Variants in UNC79 observed in about 807,000 individuals in gnomAD.
UNC79 encodes protein unc-79 homolog.
Under a neutral mutation model 283.1 loss-of-function variants are expected in UNC79, and 37 were observed. That is an observed-to-expected ratio of 0.13 (90% CI 0.10 to 0.17). The LOEUF is 0.17. Ranked by LOEUF, UNC79 falls within the 10% of genes least tolerant of loss-of-function variation. The pLI, the probability that UNC79 is intolerant of heterozygous loss-of-function variation, is 1.00. For missense variants in UNC79, 2,272 were observed against 3,211.1 expected, an observed-to-expected ratio of 0.71 and a Z score of 7.07; for synonymous variants, 1,107 against 1,200.2, an observed-to-expected ratio of 0.92 and a Z score of 1.61.
intron 14 of UNC79, among the ~76,000 whole-genome samples, chr14:93,564,197 G>C (rs545394777): frequency 6.6e-6 from 1 of 152,312 alleles, no homozygotes; most frequent in East Asian, 1.9e-4. Context: ...CTCTAAAGCT[G>C]TCTTCAAGCA....
At chr14:93,642,750 TA>T (rs2069183658) in intron 33 of UNC79, among the ~76,000 whole-genome samples, 1 of 152,256 alleles carries the variant, frequency 6.6e-6, no homozygotes, top group Non-Finnish European at 1.5e-5. Context: ...AAGAAATTTT[TA>T]TGCTCTTTCT....
intron 40 of UNC79, among the ~76,000 whole-genome samples, chr14:93,668,646 A>G (rs1268421466): frequency 6.6e-6 from 1 of 151,986 alleles, no homozygotes; most frequent in Non-Finnish European, 1.5e-5. Flanking sequence ...GAAGTTTGAG[A>G]CCAGCCTGGG....
chr14:93,386,738 A>G (rs925215939), intron 1 of UNC79, among the ~76,000 whole-genome samples: 3 of 151,976 alleles, frequency 2.0e-5, no homozygotes, highest in Non-Finnish European at 4.4e-5. Context: ...CAGATTTTCC[A>G]ATTTAATTCC....
At position 93,365,708 on chromosome 14, in the gene UNC79, A is replaced by G. The variant is rs145926959; in HGVS notation, c.-351+32185A>G. ...CCAGAGTAAGCTGTGAAAGTCTTTA[A>G]GAGCATAGAGAAAAGACGAAGGAAT... is the stretch of plus-strand genomic sequence containing the variant. On this transcript the variant is annotated intron_variant, in intron 1 of 49. Coordinates refer to the UNC79 transcript ENST00000256339. Among the ~76,000 whole-genome samples the G allele has an allele frequency of 2.0e-3, 306 of 152,306 alleles. 5 individuals are homozygous for G. In the East Asian group the frequency reaches 0.022, roughly 11 times the overall value.
At chr14:93,505,728 C>CT (rs1469312515) in intron 7 of UNC79, among the ~76,000 whole-genome samples, 1 of 149,076 alleles carries the variant, frequency 6.7e-6, no homozygotes, top group East Asian at 2.2e-4. Flanking sequence ...TTTTCTCTCT[C>CT]TCTTTTTTTT....
intron 41 of UNC79, among the ~76,000 whole-genome samples, chr14:93,674,924 G>C (rs2073201543): frequency 6.6e-6 from 1 of 152,176 alleles, no homozygotes. Context: ...ACACAGCCTT[G>C]ACAGGCCCTT....
intron 7 of UNC79, among the ~76,000 whole-genome samples, chr14:93,517,929 G>GTT (rs2060147245): frequency 6.6e-6 from 1 of 151,594 alleles, no homozygotes; most frequent in Admixed American, 6.6e-5. Context: ...CTGTGTGTGT[G>GTT]TGTGTGTGTG....
intron 48 of UNC79, 136 bp downstream of exon 51, chr14:93,704,802 G>A (rs2075760398): frequency 2.7e-6 from 3 of 1,118,296 alleles, no homozygotes; most frequent in East Asian, 4.8e-5. Flanking sequence ...GGCTGATAAT[G>A]CAGGAGACCT....
At chr14:93,534,767 T>TA (rs1457808827) in intron 11 of UNC79, among the ~76,000 whole-genome samples, 5 of 152,230 alleles carry the variant, frequency 3.3e-5, no homozygotes, top group African/African-American at 1.2e-4. Context: ...TCTGGGGACA[T>TA]ACGTAACATA....
intron 31 of UNC79, among the ~76,000 whole-genome samples, chr14:93,636,172 T>C (rs953303023): frequency 6.6e-6 from 1 of 152,254 alleles, no homozygotes; most frequent in African/African-American, 2.4e-5. Flanking sequence ...AAAATCTACA[T>C]GATGCCAAAT....
rs994306998 is a variant in UNC79 at position 93,646,746 on chromosome 14, G to C, written c.6083+100G>C. ...AGTGTGGGGCTGGGTGCAGTGGCTC[G>C]CGTCTGTAATCTCAGCACTTTGGGA... is the stretch of plus-strand genomic sequence containing the variant. On this transcript the variant is annotated intron_variant, in intron 35 of 48. Transcript: ENST00000555664. 3.0e-6 allele frequency: 4 copies of C among 1,334,700 alleles called. No homozygotes were observed. The African/African-American group carries it at 4.4e-5, about 15-fold the overall frequency. 82.7% of individuals were successfully genotyped at this position (1,334,700 alleles called of 1,614,324 possible). A position where few individuals can be genotyped will look rare whatever the true frequency, so the allele number is the denominator to read the frequency against.
chr14:93,659,142 G>C, intron 38 of UNC79, 51 bp from the exon 42 acceptor site: 1 of 1,457,290 alleles, frequency 6.9e-7, no homozygotes, highest in Non-Finnish European at 9.4e-7. Context: ...TGAAGCAAAA[G>C]TTATATTAAG....
chr14:93,706,995 A>G (rs1449499170), downstream of UNC79: 1 of 1,441,478 alleles, frequency 6.9e-7, no homozygotes, highest in African/African-American at 1.4e-5. Context: ...TGGGGAACAT[A>G]TTGGTACTGT....
At chr14:93,649,840 T>C (rs1273722201) in intron 35 of UNC79, among the ~76,000 whole-genome samples, 2 of 152,238 alleles carry the variant, frequency 1.3e-5, no homozygotes, top group Non-Finnish European at 2.9e-5. Flanking sequence ...AAAATTTACA[T>C]ACAAGGAAGT....
chr14:93,505,295 C>G (rs1323025417), intron 7 of UNC79, among the ~76,000 whole-genome samples: 1 of 152,046 alleles, frequency 6.6e-6, no homozygotes, highest in East Asian at 1.9e-4. Context: ...GTCTATTCCT[C>G]TTTGTAGTTC....
intron 23 of UNC79, among the ~76,000 whole-genome samples, chr14:93,595,277 A>T (rs1003978874): frequency 4.0e-5 from 6 of 151,888 alleles, no homozygotes; most frequent in African/African-American, 1.5e-4. Context: ...TTTACTAGAG[A>T]TGGGGTTTCG....
chr14:93,562,123 G>T (rs1166321076), intron 14 of UNC79, among the ~76,000 whole-genome samples: 1 of 152,230 alleles, frequency 6.6e-6, no homozygotes, highest in Admixed American at 6.5e-5. Context: ...TAGGCTGGCT[G>T]TCCAATGGAC....
At chr14:93,612,669 A>T (rs2066394777) in intron 26 of UNC79, 128 bp from the exon 28 acceptor site, 1 of 1,289,320 alleles carries the variant, frequency 7.8e-7, no homozygotes, top group African/African-American at 1.5e-5. Flanking sequence ...AAGTTTCTTA[A>T]AGTCTGTCTG....
chr14:93,364,367 CT>C (rs913812206), intron 1 of UNC79, among the ~76,000 whole-genome samples: 1 of 151,964 alleles, frequency 6.6e-6, no homozygotes, highest in Non-Finnish European at 1.5e-5. Flanking sequence ...TTACCTCTGA[CT>C]TGCTTTGCTC....
Sources: gnomAD v4.1 joint callset for allele counts (sites outside exome capture counted in the v4.1 genomes callset) on GRCh38, gnomAD v4.1.1 for gene constraint, MANE v1.5 for transcripts, NCBI Gene and HGNC (gene_info 2026-07-23, HGNC 2026-07-21) for gene names.